Variants in SLCO3A1 observed in about 807,000 individuals in gnomAD.
The protein encoded by SLCO3A1 is solute carrier organic anion transporter family member 3A1.
SLCO3A1 carries 27 observed loss-of-function variants against 63.1 expected under a neutral mutation model. That is an observed-to-expected ratio of 0.43 (90% CI 0.32 to 0.59). The LOEUF is 0.59. SLCO3A1 is among the 20% of genes least tolerant of loss of function. The pLI is 0.09. For synonymous variants in SLCO3A1, 473 were observed against 409.9 expected (o/e 1.15, Z -1.86); for missense variants, 773 against 945.8 (o/e 0.82, Z 2.40).
At chr15:92,100,079 A>G (rs2047586868) in intron 3 of SLCO3A1, among the ~76,000 whole-genome samples, 1 of 151,172 alleles carries the variant, frequency 6.6e-6, no homozygotes, top group Non-Finnish European at 1.5e-5. Flanking sequence ...AAAAAAAAAC[A>G]AAAAACAAAA....
intron 2 of SLCO3A1, among the ~76,000 whole-genome samples, chr15:92,083,739 A>G (rs896634656): frequency 4.6e-5 from 7 of 152,226 alleles, no homozygotes; most frequent in African/African-American, 1.7e-4. Context: ...GGGTGGTGAG[A>G]GATGGTGATT....
At chr15:92,170,690 G>T (rs909016342), downstream of SLCO3A1, among the ~76,000 whole-genome samples, 20 of 152,230 alleles carry the variant, frequency 1.3e-4, no homozygotes, top group Non-Finnish European at 2.8e-4. Flanking sequence ...TGAGCCAGGA[G>T]TTGGAGGTGA....
chr15:92,064,959 A>C (rs1259120234), intron 2 of SLCO3A1, among the ~76,000 whole-genome samples: 1 of 152,254 alleles, frequency 6.6e-6, no homozygotes, highest in Non-Finnish European at 1.5e-5. Flanking sequence ...ATAGCACAGC[A>C]AGGTGACTGT....
At position 91,856,344 on chromosome 15, in the gene SLCO3A1, C is replaced by T. The variant is rs1310005736; in HGVS notation, c.180+2256C>T. Reference sequence around the variant, plus strand: ...GTGGAGGCATAAGGCTCTAAGGGCTCTGCTTTGCCCGGCTGCCCTCGTCTT... The same window carrying T: ...GTGGAGGCATAAGGCTCTAAGGGCTTTGCTTTGCCCGGCTGCCCTCGTCTT... On this transcript the variant is annotated intron_variant, in intron 1 of 9. Transcript: ENST00000318445. The surrounding 1 kb of genome is among the most constrained non-coding windows in gnomAD (Gnocchi z 4.9). Among the ~76,000 whole-genome samples the T allele has an allele frequency of 6.6e-6, 1 of 152,126 alleles. No individual in the cohort carries two copies. The highest frequency in any genetic ancestry group is 6.5e-5 in the Admixed American group (1 of 15,278).
chr15:91,956,988 ATATAG>A (rs1170317560), intron 2 of SLCO3A1, among the ~76,000 whole-genome samples: 8 of 25,040 alleles, frequency 3.2e-4, no homozygotes, highest in African/African-American at 1.3e-3. Context: ...TATATATAAT[ATATAG>A]TATATATTAT....
chr15:92,061,415 C>G (rs2151506447), intron 2 of SLCO3A1, among the ~76,000 whole-genome samples: 1 of 152,332 alleles, frequency 6.6e-6, no homozygotes, highest in East Asian at 1.9e-4. Context: ...CAGAAGAGAT[C>G]TTCTCTCCAC....
chr15:91,951,800 C>G (rs941273949), intron 2 of SLCO3A1, among the ~76,000 whole-genome samples: 1 of 152,184 alleles, frequency 6.6e-6, no homozygotes, highest in African/African-American at 2.4e-5. Context: ...AGTGATCTGC[C>G]TGCCTCGGCC....
In SLCO3A1 at chr15:91,998,572, A is replaced by G. The variant is rs528840451; in HGVS notation, c.646+82114A>G. Reference sequence around the variant, plus strand: ...CATCACTAATTATCAGAAAAATGCAAATCAGAACCACAACGAGATACCATC... The same window carrying G: ...CATCACTAATTATCAGAAAAATGCAGATCAGAACCACAACGAGATACCATC... On this transcript the variant is annotated intron_variant, in intron 2 of 9. Transcript: ENST00000318445. Among the ~76,000 whole-genome samples the G allele has an allele frequency of 3.3e-4, 51 of 152,348 alleles. 1 individual carries two copies. In the South Asian group the frequency reaches 0.01, roughly 30 times the overall value.
downstream of SLCO3A1, among the ~76,000 whole-genome samples, chr15:92,166,189 G>T (rs1255955431): frequency 1.3e-5 from 2 of 152,122 alleles, no homozygotes; most frequent in Non-Finnish European, 2.9e-5. Flanking sequence ...GGGAACGCTG[G>T]CTCTGAGGCA....
intron 2 of SLCO3A1, among the ~76,000 whole-genome samples, chr15:91,952,838 C>T (rs540319713): frequency 1.3e-5 from 2 of 152,288 alleles, no homozygotes; most frequent in South Asian, 4.1e-4. Flanking sequence ...TGCCCCATCT[C>T]CAAAATCTAA....
At chr15:91,918,995 G>A (rs980885191) in intron 2 of SLCO3A1, among the ~76,000 whole-genome samples, 1 of 152,180 alleles carries the variant, frequency 6.6e-6, no homozygotes, top group Admixed American at 6.5e-5. Flanking sequence ...TCTAAATATG[G>A]CATGTGTAAA....
At chr15:92,049,328 G>T (rs2046929045) in intron 2 of SLCO3A1, among the ~76,000 whole-genome samples, 1 of 152,184 alleles carries the variant, frequency 6.6e-6, no homozygotes, top group African/African-American at 2.4e-5. Flanking sequence ...AAAACTATGT[G>T]ATTGGCTCAG....
intron 2 of SLCO3A1, among the ~76,000 whole-genome samples, chr15:92,046,378 T>C (rs1162895738): frequency 4.0e-5 from 6 of 149,932 alleles, no homozygotes; most frequent in Admixed American, 2.7e-4. Context: ...AAAAAAAAAA[T>C]ACCTGGGCGA....
chr15:91,930,928 A>G (rs6496871), intron 2 of SLCO3A1, among the ~76,000 whole-genome samples: 1,912 of 152,292 alleles, frequency 0.013, 40 homozygotes, highest in African/African-American at 0.044. Context: ...ATTCTCAACT[A>G]CTGTGTTTTC....
At chr15:91,918,496 G>T (rs1459544297) in intron 2 of SLCO3A1, among the ~76,000 whole-genome samples, 6 of 152,114 alleles carry the variant, frequency 3.9e-5, no homozygotes, top group Admixed American at 2.0e-4. Context: ...GGTTTACATG[G>T]GTTTGTGTTT....
At chr15:91,952,662 C>T (rs771980314) in intron 2 of SLCO3A1, among the ~76,000 whole-genome samples, 1 of 152,174 alleles carries the variant, frequency 6.6e-6, no homozygotes, top group Non-Finnish European at 1.5e-5. Context: ...AGGGATTGCA[C>T]CTGTGTTTCT....
At chr15:92,140,005 C>T (rs1364863573) in intron 7 of SLCO3A1, among the ~76,000 whole-genome samples, 2 of 134,306 alleles carry the variant, frequency 1.5e-5, no homozygotes, top group African/African-American at 6.1e-5. Context: ...TTAGTTATTT[C>T]TTGCCTTCTG....
At chr15:92,034,155 G>A (rs1293590603) in intron 2 of SLCO3A1, among the ~76,000 whole-genome samples, 1 of 151,628 alleles carries the variant, frequency 6.6e-6, no homozygotes, top group Non-Finnish European at 1.5e-5. Context: ...AGTGGGGGCT[G>A]TATGCAGGGA....
intron 2 of SLCO3A1, among the ~76,000 whole-genome samples, chr15:92,031,137 T>G (rs1433252281): frequency 6.6e-6 from 1 of 152,106 alleles, no homozygotes; most frequent in Admixed American, 6.5e-5. Context: ...AGGCTTTATT[T>G]AGTGGTTCCA....
Sources: allele counts gnomAD v4.1 joint callset (sites outside exome capture counted in the v4.1 genomes callset), GRCh38; gene constraint gnomAD v4.1.1; non-coding constraint Gnocchi (gnomAD v3.1); transcripts MANE v1.5; gene names NCBI Gene and HGNC (gene_info 2026-07-23, HGNC 2026-07-21).